The following IL1RAPL1 variants were observed in gnomAD, a reference collection of about 807,000 sequenced individuals.
IL1RAPL1 encodes interleukin-1 receptor accessory protein-like 1.
IL1RAPL1 carries 3 observed loss-of-function variants against 48.4 expected under a neutral mutation model. The ratio of observed to expected loss-of-function variants is 0.06; its 90% CI spans 0.03 to 0.16. The LOEUF (loss-of-function observed/expected upper bound fraction) is 0.16, where lower values mean the gene tolerates loss of function less well. IL1RAPL1 is among the 10% of genes least tolerant of loss of function. IL1RAPL1 has a pLI of 1.00. For missense variants in IL1RAPL1, 349 were observed against 530.6 expected, an observed-to-expected ratio of 0.66 and a Z score of 3.36; for synonymous variants, 185 against 187.7, an observed-to-expected ratio of 0.99 and a Z score of 0.12.
chrX:29,330,570 A>G (rs1337632013), intron 3 of IL1RAPL1, among the ~76,000 whole-genome samples: 3 of 82,440 alleles, frequency 3.6e-5, no homozygotes, highest in Admixed American at 2.5e-4. Context: ...TGGCTGGTTA[A>G]GTGTTCTTTC....
At chrX:28,815,861 A>ATATG (rs1406413120) in intron 2 of IL1RAPL1, among the ~76,000 whole-genome samples, 1 of 71,292 alleles carries the variant, frequency 1.4e-5, no homozygotes, top group Non-Finnish European at 2.8e-5. Context: ...ATATATATAT[A>ATATG]TATATATATA....
chrX:28,661,872 A>G (rs1601850652), intron 1 of IL1RAPL1, among the ~76,000 whole-genome samples: 2 of 111,883 alleles, frequency 1.8e-5, no homozygotes, highest in Non-Finnish European at 3.8e-5. Context: ...CATCTGCTTC[A>G]TGTTTAAATT....
chrX:28,802,314 T>C (rs1936685436), intron 2 of IL1RAPL1, among the ~76,000 whole-genome samples: 1 of 112,246 alleles, frequency 8.9e-6, no homozygotes, highest in Admixed American at 9.5e-5. Flanking sequence ...TTAAGGCAAA[T>C]TTCTTTTTGT....
chrX:28,849,139 T>TAA (rs34892376), intron 2 of IL1RAPL1, among the ~76,000 whole-genome samples: 9,428 of 99,648 alleles, frequency 0.095, 984 homozygotes, highest in African/African-American at 0.29. Flanking sequence ...ACAAGGCAAT[T>TAA]AAAAAAAAAA....
chrX:29,932,837 C>T (rs756065673), intron 8 of IL1RAPL1, among the ~76,000 whole-genome samples: 17 of 111,691 alleles, frequency 1.5e-4, no homozygotes, highest in African/African-American at 5.5e-4. Flanking sequence ...GCACCTTTAA[C>T]GCAAAAACAT....
intron 2 of IL1RAPL1, among the ~76,000 whole-genome samples, chrX:29,064,552 T>TTTTTGG: frequency 9.2e-6 from 1 of 108,954 alleles, no homozygotes; most frequent in South Asian, 4.0e-4. Flanking sequence ...TTTGTTGTTG[T>TTTTTGG]TTTTTGTTTT....
Position 29,707,229 on chromosome X carries a change from A to G in IL1RAPL1, c.778+38725A>G, listed in dbSNP as rs149977866. Among the ~76,000 whole-genome samples the G allele has an allele frequency of 5.9e-4, 66 of 111,790 alleles. 1 individual carries two copies. Among genetic ancestry groups the G allele is most frequent in the African/African-American group, 2.0e-3 (61 of 30,728 alleles). On this transcript the variant is annotated intron_variant, in intron 6 of 10. Coordinates refer to ENST00000378993, the MANE Select transcript of IL1RAPL1 (RefSeq NM_014271.4). ...TCTCAGGGAAATGCAAATTAAAACC[A>G]CAATGCAGTACCATCTCACTCCTGC...
intron 2 of IL1RAPL1, among the ~76,000 whole-genome samples, chrX:29,202,126 G>T (rs1271036817): frequency 8.9e-6 from 1 of 112,322 alleles, no homozygotes; most frequent in East Asian, 2.8e-4. Flanking sequence ...ACCGACAAAG[G>T]TCTAATATCC....
chrX:29,940,225 C>T (rs1390814320), intron 8 of IL1RAPL1, among the ~76,000 whole-genome samples: 1 of 110,834 alleles, frequency 9.0e-6, no homozygotes, highest in Non-Finnish European at 1.9e-5. Context: ...CACACACATA[C>T]ACAATGTTCT....
chrX:29,527,516 TG>T lies in IL1RAPL1; in HGVS notation c.703+128211del, dbSNP rs778742584. Among the ~76,000 whole-genome samples the T allele has an allele frequency of 2.0e-3, 220 of 107,851 alleles. 1 individual carries two copies. The highest frequency in any genetic ancestry group is 3.6e-3 in the Non-Finnish European group (185 of 52,110). 93.7% of individuals were successfully genotyped at this position (107,851 alleles called of 115,157 possible). ...CCACGCCCAGCTAATTTTTTGTATT[TG>T]GGTTTCACCGTGTTGGCCAAGATGG... On this transcript the variant is annotated intron_variant, in intron 5 of 10. Transcript: ENST00000378993.
chrX:29,012,492 C>T (rs1926146970), intron 2 of IL1RAPL1, among the ~76,000 whole-genome samples: 2 of 111,075 alleles, frequency 1.8e-5, no homozygotes, highest in Admixed American at 9.6e-5. Context: ...TGCAGTGAGC[C>T]GAGATCATGC....
chrX:29,133,536 T>C (rs183910877), intron 2 of IL1RAPL1, among the ~76,000 whole-genome samples: 9 of 111,619 alleles, frequency 8.1e-5, no homozygotes, highest in Admixed American at 1.9e-4. Context: ...CTGTTCTGAG[T>C]TTATACAAAA....
At chrX:28,976,209 A>G (rs113669695) in intron 2 of IL1RAPL1, among the ~76,000 whole-genome samples, 14 of 112,014 alleles carry the variant, frequency 1.2e-4, no homozygotes, top group African/African-American at 4.5e-4. Flanking sequence ...ATGAAATGAA[A>G]GAGGGTTGGC....
chrX:29,535,639 A>G (rs1180238175), intron 5 of IL1RAPL1, among the ~76,000 whole-genome samples: 1 of 112,267 alleles, frequency 8.9e-6, no homozygotes, highest in Non-Finnish European at 1.9e-5. Context: ...TTGTACACAA[A>G]TCTTGATCTC....
At chrX:29,215,381 G>A (rs1930848420) in intron 2 of IL1RAPL1, among the ~76,000 whole-genome samples, 1 of 110,677 alleles carries the variant, frequency 9.0e-6, no homozygotes, top group South Asian at 3.8e-4. Context: ...CTATGTGTAT[G>A]CATATTCATA....
intron 5 of IL1RAPL1, among the ~76,000 whole-genome samples, chrX:29,486,612 C>CAAAAA (rs768358495): frequency 2.3e-3 from 92 of 40,763 alleles, no homozygotes; most frequent in Admixed American, 3.4e-3. Flanking sequence ...AAGTGCTATA[C>CAAAAA]AAAAAAAAAA....
At chrX:29,024,179 T>G (rs759133743) in intron 2 of IL1RAPL1, among the ~76,000 whole-genome samples, 1 of 111,959 alleles carries the variant, frequency 8.9e-6, no homozygotes, top group African/African-American at 3.2e-5. Context: ...ATGAAAAATC[T>G]CAGCTATTGT....
intron 5 of IL1RAPL1, among the ~76,000 whole-genome samples, chrX:29,541,556 TAAAG>T (rs1375541725): frequency 9.0e-6 from 1 of 111,508 alleles, no homozygotes; most frequent in African/African-American, 3.3e-5. Context: ...GTGGATTGGA[TAAAG>T]AAAGTATAAT....
At chrX:28,944,025 C>G (rs370971033) in intron 2 of IL1RAPL1, among the ~76,000 whole-genome samples, 4 of 110,655 alleles carry the variant, frequency 3.6e-5, no homozygotes, top group African/African-American at 1.3e-4. Context: ...CTCATGTGGA[C>G]GTATTTTGTA....
Sources: allele counts gnomAD v4.1 joint callset (sites outside exome capture counted in the v4.1 genomes callset), GRCh38; gene constraint gnomAD v4.1.1; transcripts MANE v1.5; gene names NCBI Gene and HGNC (gene_info 2026-07-23, HGNC 2026-07-21).